LRRC7: variants seen among roughly 807,000 people sequenced by gnomAD.
LRRC7 encodes leucine rich repeat containing 7.
In LRRC7, 23 loss-of-function variants were observed where a neutral mutation model predicts 175.7. The ratio of observed to expected loss-of-function variants is 0.13; its 90% CI spans 0.09 to 0.19. The LOEUF (loss-of-function observed/expected upper bound fraction) is 0.19, where lower values mean the gene tolerates loss of function less well. Among genes scored for constraint, LRRC7 ranks in the 10% least tolerant of loss-of-function variants. The pLI is 1.00. For missense variants in LRRC7, 1,354 were observed against 1,904.7 expected (o/e 0.71, Z 5.38); for synonymous variants, 685 against 680.9 (o/e 1.01, Z -0.09).
At chr1:69,760,599 G>A (rs1236558775) in intron 3 of LRRC7, among the ~76,000 whole-genome samples, 1 of 151,800 alleles carries the variant, frequency 6.6e-6, no homozygotes, top group Non-Finnish European at 1.5e-5. Context: ...AACAAATTGA[G>A]CTCTATGGAA....
rs1000012925 is a variant in LRRC7 at position 70,134,877 on chromosome 1, C to T, written c.*12990C>T. 1.1e-4 allele frequency among the ~76,000 whole-genome samples: 16 copies of T among 152,152 alleles called. No homozygotes were observed. The highest frequency in any genetic ancestry group is 1.7e-4 in the African/African-American group (7 of 41,438). On this transcript the variant is annotated 3_prime_UTR_variant, in exon 27 of 27. Transcript: ENST00000651989. Reference sequence around the variant, plus strand: ...AGTGCCACCCATTTTAAAGCAAATACGGCAGGTGTCCACCATTGTTTTGGA... The same window carrying T: ...AGTGCCACCCATTTTAAAGCAAATATGGCAGGTGTCCACCATTGTTTTGGA...
At chr1:69,762,076 T>C (rs1023361587) in intron 3 of LRRC7, among the ~76,000 whole-genome samples, 3 of 152,102 alleles carry the variant, frequency 2.0e-5, no homozygotes, top group African/African-American at 4.8e-5. Flanking sequence ...ATGGGATACA[T>C]TTACACTAAA....
intron 1 of LRRC7, among the ~76,000 whole-genome samples, chr1:69,666,610 C>G (rs954186286): frequency 6.6e-6 from 1 of 151,884 alleles, no homozygotes; most frequent in Non-Finnish European, 1.5e-5. Context: ...CATATACTTG[C>G]TCATAGTAAC....
At chr1:69,968,889 G>T (rs1014835573) in intron 8 of LRRC7, among the ~76,000 whole-genome samples, 4 of 151,644 alleles carry the variant, frequency 2.6e-5, no homozygotes, top group Non-Finnish European at 5.9e-5. Context: ...CGCAATCTCA[G>T]CTCACTGCAA....
At chr1:69,692,377 T>C (rs933427144) in intron 2 of LRRC7, among the ~76,000 whole-genome samples, 1 of 152,220 alleles carries the variant, frequency 6.6e-6, no homozygotes, top group African/African-American at 2.4e-5. Flanking sequence ...GAGTGCATGA[T>C]AAGCACCTCA....
intron 25 of LRRC7, among the ~76,000 whole-genome samples, chr1:70,091,204 T>C (rs566147977): frequency 1.6e-4 from 24 of 152,292 alleles, no homozygotes; most frequent in African/African-American, 5.8e-4. Flanking sequence ...GAGGATACCA[T>C]TGATTTATTA....
At chr1:69,904,950 C>T (rs1413378274) in intron 7 of LRRC7, among the ~76,000 whole-genome samples, 1 of 152,172 alleles carries the variant, frequency 6.6e-6, no homozygotes, top group African/African-American at 2.4e-5. Flanking sequence ...CATTAATCCA[C>T]TGAAGATAAC....
At chr1:69,793,149 A>G (rs1174072849) in intron 4 of LRRC7, among the ~76,000 whole-genome samples, 1 of 152,140 alleles carries the variant, frequency 6.6e-6, no homozygotes, top group African/African-American at 2.4e-5. Flanking sequence ...GCCCTTCTGA[A>G]GTTTACGTTC....
At position 69,573,487 on chromosome 1, in the gene LRRC7, C is replaced by T. The variant is rs185286488; in HGVS notation, c.2+4846C>T. On this transcript the variant is annotated intron_variant, in intron 1 of 26. Coordinates refer to ENST00000651989, the MANE Select transcript of LRRC7 (RefSeq NM_001370785.2). ...TTATTATCTTGGAATAATTCATTCA[C>T]GACAGAAATTTAATAATCTAGTAGA... Among the ~76,000 whole-genome samples, 103 of 151,948 alleles carry T rather than the reference C, an allele frequency of 6.8e-4. 1 individual carries two copies. Among genetic ancestry groups the T allele is most frequent in the East Asian group, 2.7e-3 (14 of 5,164 alleles).
chr1:69,604,972 C>G (rs1240042802), intron 1 of LRRC7, among the ~76,000 whole-genome samples: 4 of 152,006 alleles, frequency 2.6e-5, no homozygotes, highest in Non-Finnish European at 4.4e-5. Flanking sequence ...CATGTGATAC[C>G]CCATTGAACA....
chr1:69,923,444 A>G (rs2101743374), intron 7 of LRRC7, among the ~76,000 whole-genome samples: 1 of 151,342 alleles, frequency 6.6e-6, no homozygotes, highest in Middle Eastern at 3.4e-3. Context: ...ACAGTGTAAA[A>G]GTGTTCCTAT....
chr1:69,620,431 G>A (rs371176576), intron 1 of LRRC7, among the ~76,000 whole-genome samples: 29 of 152,112 alleles, frequency 1.9e-4, no homozygotes, highest in African/African-American at 3.6e-4. Context: ...CTCTAGAATC[G>A]CACTCTTTCA....
At chr1:69,766,051 T>G (rs867765064) in intron 3 of LRRC7, among the ~76,000 whole-genome samples, 6 of 151,424 alleles carry the variant, frequency 4.0e-5, no homozygotes, top group Admixed American at 1.3e-4. Context: ...AAAAAAAATG[T>G]CCTTAGAAAG....
At chr1:70,051,324 A>G (rs1445516443) in intron 22 of LRRC7, among the ~76,000 whole-genome samples, 1 of 152,042 alleles carries the variant, frequency 6.6e-6, no homozygotes, top group South Asian at 2.1e-4. Flanking sequence ...TAGCAAACAA[A>G]CTAAGTCAGA....
intron 7 of LRRC7, among the ~76,000 whole-genome samples, chr1:69,924,074 T>G (rs1238511127): frequency 4.5e-4 from 68 of 152,170 alleles, no homozygotes; most frequent in Non-Finnish European, 6.5e-4. Context: ...TTTCCCCATT[T>G]CTTGTTTTTC....
intron 2 of LRRC7, among the ~76,000 whole-genome samples, chr1:69,729,848 CAGA>C (rs1454839580): frequency 6.6e-6 from 1 of 152,232 alleles, no homozygotes; most frequent in African/African-American, 2.4e-5. Context: ...ACTGCCCTAG[CAGA>C]AGTTCTCCAT....
intron 10 of LRRC7, among the ~76,000 whole-genome samples, chr1:69,994,013 T>C (rs1437935199): frequency 1.3e-5 from 2 of 152,156 alleles, no homozygotes; most frequent in African/African-American, 4.8e-5. Flanking sequence ...TTTTTGTGCT[T>C]ATTGCTGATC....
chr1:69,589,742 G>A (rs1386914977), intron 1 of LRRC7, among the ~76,000 whole-genome samples: 1 of 151,956 alleles, frequency 6.6e-6, no homozygotes, highest in Non-Finnish European at 1.5e-5. Context: ...GGCTTACTTT[G>A]AATCATTCTC....
chr1:69,961,651 A>G (rs1314332580), intron 8 of LRRC7, among the ~76,000 whole-genome samples: 1 of 152,190 alleles, frequency 6.6e-6, no homozygotes, highest in Non-Finnish European at 1.5e-5. Flanking sequence ...AGACCAATGG[A>G]ACAGAACAGA....
Sources: gnomAD v4.1 joint callset for allele counts (sites outside exome capture counted in the v4.1 genomes callset) on GRCh38, gnomAD v4.1.1 for gene constraint, MANE v1.5 for transcripts, NCBI Gene and HGNC (gene_info 2026-07-23, HGNC 2026-07-21) for gene names.